HCN1: variants seen among roughly 807,000 people sequenced by gnomAD.
HCN1 encodes the protein potassium/sodium hyperpolarization-activated cyclic nucleotide-gated channel 1.
In HCN1, 13 loss-of-function variants were observed where a neutral mutation model predicts 78.9. The ratio of observed to expected loss-of-function variants is 0.16; its 90% confidence interval spans 0.11 to 0.26. The LOEUF (loss-of-function observed/expected upper bound fraction) is 0.26. Among genes scored for constraint, HCN1 ranks in the 10% least tolerant of loss-of-function variants. The probability of loss-of-function intolerance (pLI) is 1.00; values close to 1 mark genes in which losing one functional copy is unlikely to be tolerated. For synonymous variants in HCN1, 552 were observed against 455.5 expected (o/e 1.21, Z -2.70); for missense variants, 810 against 1,154.3 (o/e 0.70, Z 4.32).
intron 4 of HCN1, among the ~76,000 whole-genome samples, chr5:45,394,400 A>AAG (rs1425235138): frequency 1.3e-5 from 2 of 152,200 alleles, no homozygotes; most frequent in Admixed American, 1.3e-4. Flanking sequence ...CCTAAATAAA[A>AAG]AGATAATAAT....
In HCN1 at chr5:45,261,802, G is replaced by A; in HGVS notation, c.*119C>T. ...TACATTTCACGTGTAGGCCACAGCT[G>A]TCTAAAATATCTCTTCATAGTAGGC... On this transcript the variant is annotated 3_prime_UTR_variant, in exon 8 of 8. Transcript: ENST00000303230. 1 of 1,264,464 alleles carries A rather than the reference G, an allele frequency of 7.9e-7. No individual in the cohort carries two copies. Among genetic ancestry groups the A allele is most frequent in the Non-Finnish European group, 1.1e-6 (1 of 872,870 alleles). The allele number at this position is 1,264,464 out of a possible 1,614,324, so 78.3% of individuals were successfully genotyped here.
intron 3 of HCN1, among the ~76,000 whole-genome samples, chr5:45,405,863 A>G (rs1391594397): frequency 2.0e-5 from 3 of 152,124 alleles, no homozygotes; most frequent in Non-Finnish European, 4.4e-5. Flanking sequence ...GTGATGTCTG[A>G]TTATTTTGAG....
At position 45,267,095 on chromosome 5, in the gene HCN1, G is replaced by C. The variant is rs989268235; in HGVS notation, c.1777C>G (p.Arg593Gly). 12 of 1,610,850 alleles carry C rather than the reference G, an allele frequency of 7.4e-6. No homozygotes were observed. The Admixed American group carries it at 1.3e-4, about 18-fold the overall frequency. The change falls in exon 7 of 8, where the codon CGA becomes GGA. Residue 593 changes from arginine to glycine, a missense_variant. By Grantham distance (125) the Arg-to-Gly change is moderately radical. Around this residue, in one of 6 missense-constraint regions of HCN1, gnomAD observed 398 missense variants for 381.3 expected, o/e 1.04. Transcript: ENST00000303230. The stretch of plus-strand genomic sequence containing the variant: ...AGGTAGAAAACTAGAGTACCTATTC[G>C]ATCTAGTCGGTCAATGGCAACTGTC... ...FETVAIDRLD[R>G]IGKKNSILLQ... is the part of the protein sequence containing the mutation.
rs952693621 is a variant in HCN1, at chr5:45,673,863, T to G, written c.425+21806A>C. Among the ~76,000 whole-genome samples, 14 of 151,746 alleles carry G rather than the reference T, an allele frequency of 9.2e-5. No individual in the cohort carries two copies. In the South Asian group the frequency reaches 2.9e-3, roughly 31 times the overall value. On this transcript the variant is annotated intron_variant, in intron 1 of 7. Coordinates refer to ENST00000303230, the MANE Select transcript of HCN1 (RefSeq NM_021072.4). ...CTAACTTATTTCATGAATCATGATT[T>G]CAAGTATGAAATTCTAATACTAATT...
intron 2 of HCN1, among the ~76,000 whole-genome samples, chr5:45,535,694 G>T (rs1354374439): frequency 6.6e-6 from 1 of 152,084 alleles, no homozygotes; most frequent in African/African-American, 2.4e-5. Context: ...AGTGTTCATT[G>T]TTCTGCATCA....
intron 2 of HCN1, among the ~76,000 whole-genome samples, chr5:45,583,654 T>G (rs1213021859): frequency 6.6e-6 from 1 of 152,214 alleles, no homozygotes; most frequent in Non-Finnish European, 1.5e-5. Context: ...CTTTCTCTTG[T>G]GGGCATTTAG....
chr5:45,510,950 T>C (rs1742403986), intron 2 of HCN1, among the ~76,000 whole-genome samples: 1 of 152,034 alleles, frequency 6.6e-6, no homozygotes, highest in Non-Finnish European at 1.5e-5. Flanking sequence ...AAATAAACAC[T>C]GGGGGAAATT....
intron 2 of HCN1, among the ~76,000 whole-genome samples, chr5:45,586,185 T>TC (rs1293591794): frequency 1.3e-5 from 2 of 152,158 alleles, no homozygotes; most frequent in Non-Finnish European, 2.9e-5. Flanking sequence ...AGTTCGAGCT[T>TC]CCTGGCCACT....
intron 2 of HCN1, among the ~76,000 whole-genome samples, chr5:45,583,284 T>G (rs1195522745): frequency 6.6e-6 from 1 of 152,220 alleles, no homozygotes; most frequent in Non-Finnish European, 1.5e-5. Flanking sequence ...ATTTATCCAT[T>G]TCTTCTAGAT....
At chr5:45,408,161 T>C (rs1226965782) in intron 3 of HCN1, among the ~76,000 whole-genome samples, 1 of 152,196 alleles carries the variant, frequency 6.6e-6, no homozygotes, top group Non-Finnish European at 1.5e-5. Context: ...AAACTAAGGT[T>C]AATTTATTAT....
At position 45,474,620 on chromosome 5, in the gene HCN1, C is replaced by T. The variant is rs552260160; in HGVS notation, c.850-12613G>A. 1.7e-4 allele frequency among the ~76,000 whole-genome samples: 26 copies of T among 152,002 alleles called. 1 individual carries two copies. In the South Asian group the frequency reaches 4.6e-3, roughly 27 times the overall value. ...ACAAAGGGCAAGCTCTTCAGTTTAA[C>T]ATATAAGACTCTTCATGATGTAGTC... On this transcript the variant is annotated intron_variant, in intron 2 of 7. Coordinates refer to ENST00000303230, the MANE Select transcript of HCN1 (RefSeq NM_021072.4).
chr5:45,300,166 A>C (rs1292393523), intron 6 of HCN1, among the ~76,000 whole-genome samples: 1 of 152,030 alleles, frequency 6.6e-6, no homozygotes, highest in Non-Finnish European at 1.5e-5. Flanking sequence ...CTTTGTGCAT[A>C]ATAACACTTC....
chr5:45,533,912 G>A (rs1485641012), intron 2 of HCN1, among the ~76,000 whole-genome samples: 1 of 152,174 alleles, frequency 6.6e-6, no homozygotes, highest in East Asian at 1.9e-4. Context: ...AGTTCTGTGG[G>A]CTCGAAGCCA....
intron 1 of HCN1, among the ~76,000 whole-genome samples, chr5:45,656,352 A>T (rs1745764548): frequency 6.6e-6 from 1 of 152,192 alleles, no homozygotes; most frequent in Non-Finnish European, 1.5e-5. Context: ...TGAACAAATC[A>T]ATAATGTCTT....
intron 6 of HCN1, among the ~76,000 whole-genome samples, chr5:45,297,250 G>A (rs994695680): frequency 9.9e-5 from 15 of 152,108 alleles, no homozygotes; most frequent in East Asian, 1.9e-4. Context: ...GACACAGATC[G>A]CTCATGCTAT....
rs186941650 is a variant in HCN1 at position 45,499,112 on chromosome 5, A to G, written c.850-37105T>C. Among the ~76,000 whole-genome samples, 158 of 152,270 alleles carry G rather than the reference A, an allele frequency of 1.0e-3. 2 individuals carry two copies. Among genetic ancestry groups the G allele is most frequent in the Middle Eastern group, 6.8e-3 (2 of 294 alleles). On this transcript the variant is annotated intron_variant, in intron 2 of 7. Coordinates refer to ENST00000303230, the MANE Select transcript of HCN1 (RefSeq NM_021072.4). ...CCTTGAGCTGTGGTGGGCTCCACCC[A>G]GTTCAGGTTTCCTGGCTGCTTTGTT...
At chr5:45,484,928 C>T (rs866712345) in intron 2 of HCN1, among the ~76,000 whole-genome samples, 3 of 152,096 alleles carry the variant, frequency 2.0e-5, no homozygotes, top group African/African-American at 7.2e-5. Context: ...GAAAGAAAAG[C>T]AGCTCTGAAG....
chr5:45,427,188 T>C (rs371936881), intron 3 of HCN1, among the ~76,000 whole-genome samples: 2 of 152,204 alleles, frequency 1.3e-5, no homozygotes, highest in East Asian at 3.9e-4. Context: ...GTTTTCTTCT[T>C]AAGGTGCTTC....
intron 2 of HCN1, among the ~76,000 whole-genome samples, chr5:45,497,959 T>C (rs1239614745): frequency 6.6e-6 from 1 of 152,220 alleles, no homozygotes; most frequent in East Asian, 1.9e-4. Context: ...AGATCCGCTG[T>C]TAGTCTGATG....
Sources: gnomAD v4.1 joint callset for allele counts (sites outside exome capture counted in the v4.1 genomes callset) on GRCh38, gnomAD v4.1.1 for gene constraint, gnomAD v4.1.1 regional missense constraint, MANE v1.5 for transcripts, NCBI Gene and HGNC (gene_info 2026-07-23, HGNC 2026-07-21) for gene names.